Variants in ATP11A observed in about 807,000 individuals in gnomAD.
ATP11A encodes the protein phospholipid-transporting ATPase IH.
In ATP11A, 81 loss-of-function variants were observed where a neutral mutation model predicts 154.4. The observed-to-expected ratio is 0.52, with a 90% CI of 0.44 to 0.63. The LOEUF is 0.63. ATP11A is among the 30% of genes least tolerant of loss of function. The pLI, the probability that ATP11A is intolerant of heterozygous loss-of-function variation, is 0.00. For synonymous variants in ATP11A, 623 were observed against 585.9 expected (o/e 1.06, Z -0.91); for missense variants, 1,316 against 1,474.3 (o/e 0.89, Z 1.76).
chr13:112,797,511 A>G (rs71446651), intron 2 of ATP11A, among the ~76,000 whole-genome samples: 7,315 of 152,216 alleles, frequency 0.048, 268 homozygotes, highest in Admixed American at 0.08. Flanking sequence ...CTCAGAAAAA[A>G]TCTTGAAAGA....
chr13:112,779,012 GGAGT>G (rs2077423931), intron 1 of ATP11A, among the ~76,000 whole-genome samples: 2 of 144,622 alleles, frequency 1.4e-5, no homozygotes, highest in Non-Finnish European at 3.0e-5. Flanking sequence ...AGTAGCCACT[GGAGT>G]GAGTAGCCGC....
intron 19 of ATP11A, among the ~76,000 whole-genome samples, chr13:112,854,940 T>G (rs1201365977): frequency 6.6e-6 from 1 of 152,246 alleles, no homozygotes; most frequent in Non-Finnish European, 1.5e-5. Context: ...GACGAAGCAG[T>G]ACATGCCCAA....
Position 112,807,512 on chromosome 13 carries a change from G to A in ATP11A, c.333+1219G>A, listed in dbSNP as rs75260839. ...AGAACAGAACATGAGGGAGACTCAC[G>A]CTTCCCAAGGACGCGCTGCCTGTGA... On this transcript the variant is annotated intron_variant, in intron 4 of 29. Transcript: ENST00000375645. The surrounding 1 kb of genome is among the most constrained non-coding windows in gnomAD (Gnocchi z 4.5). Among the ~76,000 whole-genome samples the A allele has an allele frequency of 2.0e-5, 3 of 152,170 alleles. No individual in the cohort carries two copies. The highest frequency in any genetic ancestry group is 1.9e-4 in the East Asian group (1 of 5,188).
intron 1 of ATP11A, among the ~76,000 whole-genome samples, chr13:112,774,065 C>T (rs2077289357): frequency 6.6e-6 from 1 of 152,258 alleles, no homozygotes; most frequent in East Asian, 1.9e-4. Flanking sequence ...TAGGAATTCC[C>T]TCCTGTGTCT....
intron 18 of ATP11A, among the ~76,000 whole-genome samples, chr13:112,852,133 G>A (rs563756828): frequency 2.1e-4 from 32 of 152,240 alleles, no homozygotes; most frequent in African/African-American, 7.2e-4. Context: ...GGTGCCTTCC[G>A]AGCTGAGTGA....
intron 1 of ATP11A, among the ~76,000 whole-genome samples, chr13:112,759,373 G>A (rs573059357): frequency 2.6e-4 from 40 of 152,306 alleles, no homozygotes; most frequent in African/African-American, 8.9e-4. Context: ...GGCAGAGTCC[G>A]GAGACTTCTG....
At chr13:112,815,578 G>A (rs9603956) in intron 5 of ATP11A, among the ~76,000 whole-genome samples, 43,636 of 152,146 alleles carry the variant, frequency 0.29, 6,414 homozygotes, top group Middle Eastern at 0.33. Flanking sequence ...ACTAGACCAT[G>A]ACCTTTAATT....
chr13:112,870,311 C>G (rs2080474042), intron 25 of ATP11A, among the ~76,000 whole-genome samples: 1 of 152,248 alleles, frequency 6.6e-6, no homozygotes, highest in Non-Finnish European at 1.5e-5. Flanking sequence ...CCTCCCTCAG[C>G]TAAATCAAGG....
chr13:112,857,834 A>T lies in ATP11A; in HGVS notation c.2435A>T (p.Lys812Ile). 2.5e-6 allele frequency: 4 copies of T among 1,614,158 alleles called. No homozygotes were observed. In the South Asian group the frequency reaches 4.4e-5, roughly 18 times the overall value. The change falls in exon 21 of 30, where the codon AAA (lysine) becomes ATA (isoleucine). Residue 812 changes from lysine (K) to isoleucine (I), a missense_variant. Lys to Ile is a moderately radical substitution (Grantham distance 102, BLOSUM62 -3). Transcript: ENST00000375645. Reference sequence around the variant, plus strand: ...CTTTTGCAGATTGTTAAATTAATCAAATTTTCAAAAGAGCACCCAATCACG... The same window carrying T: ...CTTTTGCAGATTGTTAAATTAATCATATTTTCAAAAGAGCACCCAATCACG... ...LQKAQIVKLI[K>I]FSKEHPITLA...
intron 8 of ATP11A, among the ~76,000 whole-genome samples, chr13:112,822,359 A>G (rs73569027): frequency 0.21 from 31,613 of 152,136 alleles, 3,492 homozygotes; most frequent in African/African-American, 0.26. Context: ...GCTTCAGTGC[A>G]CAGAACGGGG....
rs964860990 is a variant in ATP11A, at chr13:112,855,947, C to T, written c.2280C>T (p.Ile760=). ...ATATGCAGGACTACGGTTTAATTATCGACGGAGCTGCACTGTCTCTGATAA... is the reference window on the plus strand; with the variant it reads ...ATATGCAGGACTACGGTTTAATTATTGACGGAGCTGCACTGTCTCTGATAA... ...SADMQDYGLI[I]DGAALSLIMK... Residue 760 remains isoleucine (I), a synonymous_variant, in exon 20 of 30, where the codon ATC becomes ATT. Transcript: ENST00000375645. 4 of 1,613,906 alleles carry T rather than the reference C, an allele frequency of 2.5e-6. No homozygotes were observed. Among genetic ancestry groups the T allele is most frequent in the African/African-American group, 1.3e-5 (1 of 75,036 alleles).
At chr13:112,751,799 G>A (rs545552895) in intron 1 of ATP11A, among the ~76,000 whole-genome samples, 5 of 150,600 alleles carry the variant, frequency 3.3e-5, no homozygotes, top group South Asian at 4.2e-4. Context: ...CTGTGATCCC[G>A]CGTCACTGCA....
intron 1 of ATP11A, among the ~76,000 whole-genome samples, chr13:112,779,782 G>A (rs1035796310): frequency 2.0e-5 from 3 of 152,182 alleles, no homozygotes; most frequent in Non-Finnish European, 2.9e-5. Context: ...GCGCTTGCCT[G>A]TAATCCCACC....
rs1022806900 is a variant in ATP11A, at chr13:112,790,687, C to T, written c.162+5430C>T. ...TGCGATAGACCTCCTTAATCCACAC[C>T]GGGTGTCCTGATGTGTAGACTCCTG... On this transcript the variant is annotated intron_variant, in intron 2 of 29. Transcript: ENST00000375645. 2.6e-5 allele frequency among the ~76,000 whole-genome samples: 4 copies of T among 152,154 alleles called. No homozygotes were observed. The East Asian group carries it at 5.8e-4, about 22-fold the overall frequency.
chr13:112,818,982 A>G (rs1266724788), intron 6 of ATP11A, among the ~76,000 whole-genome samples: 1 of 152,228 alleles, frequency 6.6e-6, no homozygotes, highest in African/African-American at 2.4e-5. Flanking sequence ...AAGGAAAGGG[A>G]TATTTCAGGT....
At chr13:112,878,007 G>A (rs932527809) in intron 28 of ATP11A, among the ~76,000 whole-genome samples, 1 of 152,226 alleles carries the variant, frequency 6.6e-6, no homozygotes, top group African/African-American at 2.4e-5. Flanking sequence ...GCAGGGGGTG[G>A]GAGGGGCTGG....
rs1353215597 is a variant in ATP11A, at chr13:112,886,627, G to A, written c.*4761G>A. On this transcript the variant is annotated 3_prime_UTR_variant, in exon 30 of 30. Coordinates refer to ENST00000375645, the MANE Select transcript of ATP11A (RefSeq NM_015205.3). ...GCAGCCTTGATGGGATATGTTAGAA[G>A]TGTCATGAAAGTGTGATTCTACTTT... The A allele has an allele frequency of 1.3e-5, 2 of 152,436 alleles. No individual in the cohort carries two copies. The highest frequency in any genetic ancestry group is 4.8e-5 in the African/African-American group (2 of 41,382). The allele number at this position is 152,436 out of a possible 1,614,324, so 9.4% of individuals were successfully genotyped here.
At chr13:112,742,166 T>C (rs904702803) in intron 1 of ATP11A, among the ~76,000 whole-genome samples, 2 of 152,222 alleles carry the variant, frequency 1.3e-5, no homozygotes, top group African/African-American at 4.8e-5. Context: ...ATTCTTGATC[T>C]AGATGGTGCC....
chr13:112,755,267 G>A (rs2076793302), intron 1 of ATP11A, among the ~76,000 whole-genome samples: 1 of 152,172 alleles, frequency 6.6e-6, no homozygotes, highest in Non-Finnish European at 1.5e-5. Context: ...CTGCTTCACA[G>A]GTCAGAGGTC....
Sources: gnomAD v4.1 joint callset for allele counts (sites outside exome capture counted in the v4.1 genomes callset) on GRCh38, gnomAD v4.1.1 for gene constraint, Gnocchi (gnomAD v3.1) non-coding constraint, MANE v1.5 for transcripts, NCBI Gene and HGNC (gene_info 2026-07-23, HGNC 2026-07-21) for gene names.